The following ATXN10 variants were observed in gnomAD, a reference collection of about 807,000 sequenced individuals.
ATXN10 encodes ataxin-10.
ATXN10 carries 28 observed loss-of-function variants against 52.9 expected under a neutral mutation model. The ratio of observed to expected loss-of-function variants is 0.53; its 90% CI spans 0.39 to 0.73. The LOEUF (loss-of-function observed/expected upper bound fraction) is 0.73, where lower values mean the gene tolerates loss of function less well. Ranked by LOEUF, ATXN10 falls within the 30% of genes least tolerant of loss-of-function variation. The probability of loss-of-function intolerance (pLI) is 0.00; values close to 1 mark genes in which losing one functional copy is unlikely to be tolerated. For missense variants in ATXN10, 565 were observed against 577.0 expected (o/e 0.98, Z 0.21); for synonymous variants, 226 against 221.5 (o/e 1.02, Z -0.18).
intron 5 of ATXN10, among the ~76,000 whole-genome samples, chr22:45,717,844 T>G (rs1924503703): frequency 6.6e-6 from 1 of 152,206 alleles, no homozygotes; most frequent in African/African-American, 2.4e-5. Context: ...TTGAATCTTT[T>G]TAGTTGTCAC....
chr22:45,700,801 A>G (rs1042986013), intron 4 of ATXN10, among the ~76,000 whole-genome samples: 2 of 152,344 alleles, frequency 1.3e-5, no homozygotes, highest in South Asian at 4.1e-4. Context: ...TTATGTATTG[A>G]ATACTGATAT....
chr22:45,746,570 C>T (rs958392900), intron 9 of ATXN10, among the ~76,000 whole-genome samples: 1 of 152,082 alleles, frequency 6.6e-6, no homozygotes, highest in East Asian at 1.9e-4. Flanking sequence ...CTTTTTGCAA[C>T]TGTAAAATAG....
rs187539211 is a variant in ATXN10, at chr22:45,772,164, G to A, written c.1173+31626G>A. On this transcript the variant is annotated intron_variant, in intron 9 of 11. Coordinates refer to ENST00000252934, the MANE Select transcript of ATXN10 (RefSeq NM_013236.4). This position sits in a 1 kb window ranked among gnomAD's most constrained non-coding sequence, Gnocchi z 4.1. ...CTCTGTCCCTAATTCAGAATCACAA[G>A]AATTTTCTCATAGTTTTTCTTCCTA... Among the ~76,000 whole-genome samples, 1 of 152,198 alleles carries A rather than the reference G, an allele frequency of 6.6e-6. No homozygotes were observed. The highest frequency in any genetic ancestry group is 6.5e-5 in the Admixed American group (1 of 15,284).
At chr22:45,714,760 T>C (rs1203125966) in intron 5 of ATXN10, among the ~76,000 whole-genome samples, 1 of 152,208 alleles carries the variant, frequency 6.6e-6, no homozygotes, top group East Asian at 1.9e-4. Context: ...ATGTGTTCCG[T>C]AGTTTTGATA....
At chr22:45,702,562 A>G in intron 4 of ATXN10, 127 bp from the exon 5 acceptor site, 2 of 794,746 alleles carry the variant, frequency 2.5e-6, no homozygotes, top group Non-Finnish European at 4.0e-6. Context: ...TACTTATTTT[A>G]AAGTGCTATA....
At chr22:45,796,866 G>T (rs1253371468) in intron 9 of ATXN10, among the ~76,000 whole-genome samples, 1 of 152,142 alleles carries the variant, frequency 6.6e-6, no homozygotes, top group African/African-American at 2.4e-5. Flanking sequence ...GAATATAAAG[G>T]TGAAGATACC....
chr22:45,700,190 T>C (rs1923786083), intron 3 of ATXN10, 92 bp from the exon 4 acceptor site: 3 of 954,262 alleles, frequency 3.1e-6, no homozygotes, highest in Non-Finnish European at 4.7e-6. Flanking sequence ...AGAAACTTTC[T>C]GTTTAATAAC....
At chr22:45,800,500 G>T (rs918009936) in intron 9 of ATXN10, among the ~76,000 whole-genome samples, 1 of 118,146 alleles carries the variant, frequency 8.5e-6, no homozygotes, top group African/African-American at 3.5e-5. Context: ...AGGGGAGAAT[G>T]TAAAATGGTA....
chr22:45,740,296 A>C, intron 8 of ATXN10, 73 bp from the exon 9 acceptor site: 1 of 1,442,404 alleles, frequency 6.9e-7, no homozygotes. Flanking sequence ...AGATTTGTCT[A>C]TGGAAAACTA....
intron 9 of ATXN10, among the ~76,000 whole-genome samples, chr22:45,745,520 T>C (rs1171977950): frequency 6.6e-6 from 1 of 152,194 alleles, no homozygotes; most frequent in Non-Finnish European, 1.5e-5. Flanking sequence ...CTATAAATCT[T>C]TTACTATAAG....
Position 45,819,770 on chromosome 22 carries a change from A to G in ATXN10, c.1237+12748A>G, listed in dbSNP as rs1489722547. ...ATTATTTGCCAATTTTTCTTTTTGCATTAGATTAATTAAAAACAGCAGTGA... is the reference window on the plus strand; with the variant it reads ...ATTATTTGCCAATTTTTCTTTTTGCGTTAGATTAATTAAAAACAGCAGTGA... On this transcript the variant is annotated intron_variant, in intron 10 of 11. Coordinates refer to ENST00000252934, the MANE Select transcript of ATXN10 (RefSeq NM_013236.4). This position sits in a 1 kb window ranked among gnomAD's most constrained non-coding sequence, Gnocchi z 4.5. Among the ~76,000 whole-genome samples the G allele has an allele frequency of 6.6e-6, 1 of 152,168 alleles. No homozygotes were observed. Among genetic ancestry groups the G allele is most frequent in the African/African-American group, 2.4e-5 (1 of 41,426 alleles).
At chr22:45,699,627 G>T (rs1294763597) in intron 3 of ATXN10, among the ~76,000 whole-genome samples, 1 of 150,188 alleles carries the variant, frequency 6.7e-6, no homozygotes, top group Admixed American at 6.7e-5. Flanking sequence ...AAGTAGCTGG[G>T]ATTACAGACG....
Position 45,763,549 on chromosome 22 carries a change from C to A in ATXN10, c.1173+23011C>A, listed in dbSNP as rs1356511791. On this transcript the variant is annotated intron_variant, in intron 9 of 11. Coordinates refer to ENST00000252934, the MANE Select transcript of ATXN10 (RefSeq NM_013236.4). The surrounding 1 kb of genome is among the most constrained non-coding windows in gnomAD (Gnocchi z 6.9). ...TTGCTCATCTCCTCACAGGTCTTTCCTGCCCCCTACCTGTTAAAAGTCGGA... is the reference window on the plus strand; with the variant it reads ...TTGCTCATCTCCTCACAGGTCTTTCATGCCCCCTACCTGTTAAAAGTCGGA... 1.3e-5 allele frequency among the ~76,000 whole-genome samples: 2 copies of A among 152,178 alleles called. No homozygotes were observed. The highest frequency in any genetic ancestry group is 1.3e-4 in the Admixed American group (2 of 15,284).
Position 45,840,986 on chromosome 22 carries a change from C to T in ATXN10, c.1238-2005C>T. ...AAATGAGTTTGTGTATCGACAGTGA[C>T]ATCCTGGGTGTGAAACTCAAATAAT... On this transcript the variant is annotated intron_variant, in intron 10 of 11. Transcript: ENST00000252934. This position sits in a 1 kb window ranked among gnomAD's most constrained non-coding sequence, Gnocchi z 5.8. 6.6e-6 allele frequency among the ~76,000 whole-genome samples: 1 copy of T among 152,160 alleles called. No individual in the cohort carries two copies. Among genetic ancestry groups the T allele is most frequent in the Non-Finnish European group, 1.5e-5 (1 of 68,038 alleles).
intron 9 of ATXN10, among the ~76,000 whole-genome samples, chr22:45,746,159 T>C (rs1796261660): frequency 6.6e-6 from 1 of 152,016 alleles, no homozygotes; most frequent in Admixed American, 6.6e-5. Context: ...AATGCGGTTT[T>C]TTCATTAATC....
intron 9 of ATXN10, among the ~76,000 whole-genome samples, chr22:45,773,450 T>G (rs1007415171): frequency 1.2e-4 from 18 of 145,020 alleles, no homozygotes; most frequent in African/African-American, 4.4e-4. Flanking sequence ...GAAGAATTAT[T>G]TATTTATTTA....
At chr22:45,809,800 T>C (rs977598994) in intron 10 of ATXN10, among the ~76,000 whole-genome samples, 4 of 152,230 alleles carry the variant, frequency 2.6e-5, no homozygotes, top group African/African-American at 9.6e-5. Context: ...AACACATCTT[T>C]ATATATTCTA....
intron 9 of ATXN10, among the ~76,000 whole-genome samples, chr22:45,796,280 G>A (rs770619802): frequency 1.1e-4 from 16 of 152,192 alleles, no homozygotes; most frequent in East Asian, 3.8e-4. Flanking sequence ...TAGTCAGACC[G>A]GTTGACTGCT....
At chr22:45,797,330 C>A (rs1252817338) in intron 9 of ATXN10, among the ~76,000 whole-genome samples, 2 of 152,088 alleles carry the variant, frequency 1.3e-5, no homozygotes, top group Non-Finnish European at 2.9e-5. Context: ...TAACAGTGCT[C>A]AATAAATGTA....
Sources: gnomAD v4.1 joint callset for allele counts (sites outside exome capture counted in the v4.1 genomes callset) on GRCh38, gnomAD v4.1.1 for gene constraint, Gnocchi (gnomAD v3.1) non-coding constraint, MANE v1.5 for transcripts, NCBI Gene and HGNC (gene_info 2026-07-23, HGNC 2026-07-21) for gene names.